Variants in GLE1 observed in about 807,000 individuals in gnomAD.
GLE1 encodes mRNA export factor GLE1.
In GLE1, 78 loss-of-function variants were observed where a neutral mutation model predicts 97.3. The observed-to-expected ratio is 0.80, with a 90% CI of 0.67 to 0.97. The LOEUF is 0.97. GLE1 is among the 50% of genes least tolerant of loss of function. The pLI is 0.00. For synonymous variants in GLE1, 302 were observed against 313.4 expected (o/e 0.96, Z 0.39); for missense variants, 753 against 857.5 (o/e 0.88, Z 1.52).
chr9:128,531,960 T>A (rs1847525648), intron 9 of GLE1, among the ~76,000 whole-genome samples: 2 of 151,862 alleles, frequency 1.3e-5, no homozygotes, highest in South Asian at 4.1e-4. Context: ...CTAACTAACT[T>A]TCCTCCTACC....
At chr9:128,517,662 A>C (rs749501720) in intron 3 of GLE1, among the ~76,000 whole-genome samples, 2 of 152,074 alleles carry the variant, frequency 1.3e-5, no homozygotes, top group Non-Finnish European at 2.9e-5. Flanking sequence ...TGCCTAAGTT[A>C]ATCCTCTATA....
chr9:128,540,370 C>G (rs768034920), intron 15 of GLE1, 32 bp downstream of exon 15: 2 of 1,410,182 alleles, frequency 1.4e-6, no homozygotes, highest in South Asian at 2.3e-5. Context: ...ATGCCCCACA[C>G]TGTTGTTGGG....
intron 4 of GLE1, 39 bp from the exon 5 acceptor site, chr9:128,523,241 A>G: frequency 7.0e-7 from 1 of 1,423,166 alleles, no homozygotes; most frequent in Non-Finnish European, 9.9e-7. Flanking sequence ...AATTTCAGGA[A>G]GTATCCCTGA....
chr9:128,506,003 T>C (rs931700473), intron 1 of GLE1, among the ~76,000 whole-genome samples: 2 of 152,210 alleles, frequency 1.3e-5, no homozygotes, highest in Non-Finnish European at 2.9e-5. Context: ...TTTTATTATT[T>C]ATTTATTTTA....
chr9:128,514,278 G>A (rs1362537120), intron 2 of GLE1, among the ~76,000 whole-genome samples: 1 of 145,420 alleles, frequency 6.9e-6, no homozygotes, highest in Non-Finnish European at 1.5e-5. Flanking sequence ...GGTCCAGGCT[G>A]TAATGATCCG....
chr9:128,519,810 G>T (rs1847088307), intron 3 of GLE1, among the ~76,000 whole-genome samples: 1 of 152,152 alleles, frequency 6.6e-6, no homozygotes, highest in Non-Finnish European at 1.5e-5. Flanking sequence ...TGGTTTTACG[G>T]CTTGTGGGGC....
At chr9:128,526,651 G>A (rs1029687030) in intron 7 of GLE1, among the ~76,000 whole-genome samples, 22 of 151,732 alleles carry the variant, frequency 1.4e-4, no homozygotes, top group African/African-American at 4.8e-4. Flanking sequence ...GAGCCACTGC[G>A]CCCAGCGTTT....
At chr9:128,532,979 C>T (rs1360898861) in intron 9 of GLE1, among the ~76,000 whole-genome samples, 1 of 152,160 alleles carries the variant, frequency 6.6e-6, no homozygotes, top group Non-Finnish European at 1.5e-5. Context: ...TCTAGAGATA[C>T]CAACCACAGT....
rs2132531470 is a variant in GLE1, at chr9:128,538,000, C to G, written c.1791C>G (p.Gly597=). ...TCTACTCCCAGATTCACCCTCATGG[C>G]TTAAATCATGGATGGCGCTGGTTGG... ...YGNRQEIHPH[G]LNHGWRWLAQ... Residue 597 remains glycine (G), a synonymous_variant, in exon 13 of 16, where the codon GGC becomes GGG. Coordinates refer to ENST00000309971, the MANE Select transcript of GLE1 (RefSeq NM_001003722.2). 7.5e-6 allele frequency: 12 copies of G among 1,606,354 alleles called. No individual in the cohort carries two copies. The highest frequency in any genetic ancestry group is 1.0e-5 in the Non-Finnish European group (12 of 1,173,006).
intron 14 of GLE1, 46 bp from the exon 15 acceptor site, chr9:128,540,229 A>G: frequency 8.0e-7 from 1 of 1,245,634 alleles, no homozygotes. Flanking sequence ...TCCAAAAGAT[A>G]GGTGTATATC....
intron 11 of GLE1, 130 bp from the exon 12 acceptor site, chr9:128,536,225 G>C (rs1346433634): frequency 7.5e-6 from 5 of 667,610 alleles, no homozygotes; most frequent in Admixed American, 6.2e-5. Flanking sequence ...GTAGAGATGG[G>C]GTTTCACCAC....
chr9:128,525,994 C>G (rs1847289968), intron 7 of GLE1, among the ~76,000 whole-genome samples: 2 of 152,144 alleles, frequency 1.3e-5, no homozygotes. Context: ...CAGTGGGAGT[C>G]TGGTTTTTGT....
At chr9:128,511,575 G>A (rs1324594317) in intron 2 of GLE1, among the ~76,000 whole-genome samples, 3 of 151,240 alleles carry the variant, frequency 2.0e-5, no homozygotes, top group Admixed American at 6.6e-5. Flanking sequence ...GCGAGTTGGC[G>A]GGCACCTGTA....
At chr9:128,520,400 G>GTGTATATATGTATATATA (rs1382137228) in intron 3 of GLE1, among the ~76,000 whole-genome samples, 21 of 147,760 alleles carry the variant, frequency 1.4e-4, no homozygotes, top group African/African-American at 3.7e-4. Context: ...ATATGTATGT[G>GTGTATATATGTATATATA]TGTATATATG....
chr9:128,510,215 A>G (rs1482989883), intron 2 of GLE1, among the ~76,000 whole-genome samples: 7 of 148,874 alleles, frequency 4.7e-5, no homozygotes, highest in Non-Finnish European at 8.9e-5. Context: ...ACACCACCAT[A>G]CTTGGCTATT....
chr9:128,517,153 G>T (rs1255011730), intron 3 of GLE1, among the ~76,000 whole-genome samples: 2 of 151,938 alleles, frequency 1.3e-5, no homozygotes, highest in Non-Finnish European at 2.9e-5. Context: ...AGCCGGGCAT[G>T]GTGGCACATG....
At chr9:128,511,352 T>C (rs1846815260) in intron 2 of GLE1, among the ~76,000 whole-genome samples, 1 of 150,910 alleles carries the variant, frequency 6.6e-6, no homozygotes, top group Non-Finnish European at 1.5e-5. Flanking sequence ...AAATATATAT[T>C]TTTAGCAACT....
At chr9:128,514,198 G>A (rs1236065377) in intron 2 of GLE1, among the ~76,000 whole-genome samples, 1 of 151,720 alleles carries the variant, frequency 6.6e-6, no homozygotes, top group African/African-American at 2.4e-5. Flanking sequence ...AATTAGCCAG[G>A]TGTGGTGGCG....
chr9:128,539,500 T>A (rs1273974958), intron 13 of GLE1, 116 bp from the exon 14 acceptor site: 7 of 819,356 alleles, frequency 8.5e-6, no homozygotes, highest in Non-Finnish European at 1.5e-5. Flanking sequence ...TCAGTGGCAT[T>A]GTGGTTGAAA....
Sources: gnomAD v4.1 joint callset for allele counts (sites outside exome capture counted in the v4.1 genomes callset) on GRCh38, gnomAD v4.1.1 for gene constraint, MANE v1.5 for transcripts, NCBI Gene and HGNC (gene_info 2026-07-23, HGNC 2026-07-21) for gene names.